Variants in SYNE1 observed in about 807,000 individuals in gnomAD.
SYNE1 encodes spectrin repeat containing nuclear envelope protein 1, also known as nesprin-1.
Under a neutral mutation model 1,111.0 loss-of-function variants are expected in SYNE1, and 616 were observed. The ratio of observed to expected loss-of-function variants is 0.55; its 90% CI spans 0.52 to 0.59. The LOEUF is 0.59. Among genes scored for constraint, SYNE1 ranks in the 20% least tolerant of loss-of-function variants. The probability of loss-of-function intolerance (pLI) is 0.00; values close to 1 mark genes in which losing one functional copy is unlikely to be tolerated. For synonymous variants in SYNE1, 3,855 were observed against 3,825.8 expected (o/e 1.01, Z -0.28); for missense variants, 10,006 against 10,417.0 (o/e 0.96, Z 1.72).
chr6:152,412,332 G>C (rs1410925398), intron 42 of SYNE1, among the ~76,000 whole-genome samples: 8 of 151,870 alleles, frequency 5.3e-5, no homozygotes, highest in Non-Finnish European at 7.4e-5. Context: ...GCTGAGGCAG[G>C]AGAATGGCGT....
Position 152,214,623 on chromosome 6 carries a change from A to T in SYNE1, c.22346+283T>A, listed in dbSNP as rs140096465. On this transcript the variant is annotated intron_variant, in intron 122 of 145. Coordinates refer to ENST00000367255, the MANE Select transcript of SYNE1 (RefSeq NM_182961.4). ...GGGTCTTTTAAAAGAAGATTCACACAGCGTTCAGCACTGTTGTCCTTCTGC... is the reference window on the plus strand; with the variant it reads ...GGGTCTTTTAAAAGAAGATTCACACTGCGTTCAGCACTGTTGTCCTTCTGC... 5.4e-4 allele frequency among the ~76,000 whole-genome samples: 83 copies of T among 152,320 alleles called. No individual in the cohort carries two copies. In the East Asian group the frequency reaches 0.016, roughly 29 times the overall value.
intron 91 of SYNE1, chr6:152,302,384 G>T: frequency 2.2e-6 from 1 of 453,900 alleles, no homozygotes; most frequent in South Asian, 2.1e-5. Flanking sequence ...CGCAACATTA[G>T]GAACTGACAA....
chr6:152,178,461 AT>A lies in SYNE1; in HGVS notation c.23460+1674del, dbSNP rs374165454. Among the ~76,000 whole-genome samples the A allele has an allele frequency of 6.5e-3, 986 of 152,286 alleles. 13 individuals carry two copies. The highest frequency in any genetic ancestry group is 0.022 in the African/African-American group (917 of 41,562). On this transcript the variant is annotated intron_variant, in intron 129 of 145. Transcript: ENST00000367255. ...ATATCAAGTAAACAAATGCTTATCC[AT>A]TTGGATTTATCCAATGGATAAGCAA...
chr6:152,342,927 G>C (rs968728590), intron 74 of SYNE1, among the ~76,000 whole-genome samples: 1 of 152,090 alleles, frequency 6.6e-6, no homozygotes, highest in African/African-American at 2.4e-5. Context: ...AACTATGCAA[G>C]AAGCTAGTAT....
At chr6:152,411,437 CTTTTATGTATACA>C (rs1173903076) in intron 42 of SYNE1, among the ~76,000 whole-genome samples, 1 of 152,052 alleles carries the variant, frequency 6.6e-6, no homozygotes, top group Admixed American at 6.6e-5. Flanking sequence ...AGGTCTTGTG[CTTTTATGTATACA>C]TTTTAAAATC....
Position 152,330,848 on chromosome 6 carries a change from G to A in SYNE1, c.13837C>T (p.Pro4613Ser), listed in dbSNP as rs775064118. Residue 4613 changes from proline to serine, a missense_variant, in exon 78 of 146, where the codon CCA becomes TCA. Pro to Ser is a moderately conservative substitution (Grantham distance 74). Around this residue, in one of 7 missense-constraint regions of SYNE1, gnomAD observed 4,955 missense variants for 5,017.2 expected, o/e 0.99. Coordinates refer to ENST00000367255, the MANE Select transcript of SYNE1 (RefSeq NM_182961.4). ...AKYQNILEQS[P>S]EYENLLLTLQ... ...GTAAGTAGAAGATTTTCATATTCTG[G>A]AGATTGTTCAAGAATGTTTTGGTAT... 6.2e-7 allele frequency: 1 copy of A among 1,614,144 alleles called. No individual in the cohort carries two copies. The highest frequency in any genetic ancestry group is 1.1e-5 in the South Asian group (1 of 91,086).
At chr6:152,437,860 T>C (rs1159868295) in intron 32 of SYNE1, among the ~76,000 whole-genome samples, 1 of 152,182 alleles carries the variant, frequency 6.6e-6, no homozygotes, top group Non-Finnish European at 1.5e-5. Context: ...TAGTACCATA[T>C]AAGATAGAGT....
At chr6:152,546,656 AG>A (rs1350648667) in intron 3 of SYNE1, 2 of 152,196 alleles carry the variant, frequency 1.3e-5, no homozygotes, top group Non-Finnish European at 2.9e-5. Context: ...GGTGTGATGA[AG>A]GTATATTCCT....
chr6:152,484,205 C>A (rs1165826532), intron 13 of SYNE1, among the ~76,000 whole-genome samples: 1 of 151,690 alleles, frequency 6.6e-6, no homozygotes, highest in Non-Finnish European at 1.5e-5. Flanking sequence ...GAGCAAGACA[C>A]TATCTCAAAA....
chr6:152,381,475 G>C, intron 55 of SYNE1, 113 bp from the exon 56 acceptor site: 1 of 1,021,140 alleles, frequency 9.8e-7, no homozygotes, highest in Non-Finnish European at 1.5e-6. Context: ...TAACAAGTGT[G>C]CCACAAGGAC....
rs2076811254 is a variant in SYNE1, at chr6:152,207,884, C to G, written c.22824+88G>C. 1.3e-5 allele frequency: 17 copies of G among 1,263,402 alleles called. No individual in the cohort carries two copies. In the Admixed American group the frequency reaches 3.0e-4, roughly 22 times the overall value. 78.3% of individuals were successfully genotyped at this position (1,263,402 alleles called of 1,614,324 possible). A position where few individuals can be genotyped will look rare whatever the true frequency, so the allele number is the denominator to read the frequency against. On this transcript the variant is annotated intron_variant, in intron 125 of 145. Transcript: ENST00000367255. ...TGTTTGTCCCAGCTGCAATGTCACT[C>G]TAGAGTCCTTTTGAAAAACCGAGGC...
At chr6:152,487,558 A>G (rs546317823) in intron 12 of SYNE1, among the ~76,000 whole-genome samples, 3 of 152,332 alleles carry the variant, frequency 2.0e-5, no homozygotes, top group East Asian at 3.9e-4. Flanking sequence ...CAGAAGTCCA[A>G]TTAATGACAC....
In SYNE1 at chr6:152,427,775, C is replaced by G. The variant is rs749115727; in HGVS notation, c.5018G>C (p.Arg1673Pro). 4 of 1,614,088 alleles carry G rather than the reference C, an allele frequency of 2.5e-6. No individual in the cohort carries two copies. The highest frequency in any genetic ancestry group is 3.4e-6 in the Non-Finnish European group (4 of 1,180,016). ...TGGGGAACTGGCTTTAGCTTCACCC[C>G]GCTCTAACCAGGTCAAAAAGGATGA... ...ELSSFLTWLE[R>P]GEAKASSPEM... The change falls in exon 38 of 146, where the codon CGG becomes CCG. Residue 1673 changes from arginine to proline, a missense_variant. Transcript: ENST00000367255.
intron 55 of SYNE1, among the ~76,000 whole-genome samples, chr6:152,383,102 C>T (rs2097454582): frequency 6.6e-6 from 1 of 152,200 alleles, no homozygotes; most frequent in Admixed American, 6.5e-5. Flanking sequence ...AAACCACCCA[C>T]ACACTAACCT....
intron 87 of SYNE1, among the ~76,000 whole-genome samples, chr6:152,314,064 T>A (rs2095636007): frequency 6.6e-6 from 1 of 152,176 alleles, no homozygotes; most frequent in Non-Finnish European, 1.5e-5. Flanking sequence ...CCTCCTAATC[T>A]CCAAAGAGAG....
Position 152,488,383 on chromosome 6 carries a change from C to A in SYNE1, c.1047+13G>T. On this transcript the variant is annotated intron_variant, in intron 12 of 145. Coordinates refer to ENST00000367255, the MANE Select transcript of SYNE1 (RefSeq NM_182961.4). ...AGCTTTTGAAAAATTCAAAAATCTT[C>A]TCCATACAATACCTGATATTTATCC... The A allele has an allele frequency of 6.9e-7, 1 of 1,447,180 alleles. No homozygotes were observed. The highest frequency in any genetic ancestry group is 1.2e-5 in the South Asian group (1 of 86,554). 89.6% of individuals were successfully genotyped at this position (1,447,180 alleles called of 1,614,324 possible). A position where few individuals can be genotyped will look rare whatever the true frequency, so the allele number is the denominator to read the frequency against.
intron 3 of SYNE1, among the ~76,000 whole-genome samples, chr6:152,605,039 AGG>A (rs1565142615): frequency 1.3e-3 from 40 of 30,200 alleles, no homozygotes; most frequent in Non-Finnish European, 2.1e-3. Context: ...AGAGAGAGGG[AGG>A]GAGGGAGGGA....
At chr6:152,338,873 G>T (rs1419538238) in intron 75 of SYNE1, among the ~76,000 whole-genome samples, 2 of 152,140 alleles carry the variant, frequency 1.3e-5, no homozygotes, top group Non-Finnish European at 2.9e-5. Flanking sequence ...AAAGGGTCAA[G>T]AGCCCCTTTC....
At chr6:152,575,288 T>A (rs1484077847) in intron 3 of SYNE1, among the ~76,000 whole-genome samples, 4 of 152,240 alleles carry the variant, frequency 2.6e-5, no homozygotes, top group Non-Finnish European at 5.9e-5. Context: ...TGGTCTGGGC[T>A]GAATTACATG....
Sources: allele counts gnomAD v4.1 joint callset (sites outside exome capture counted in the v4.1 genomes callset), GRCh38; gene constraint gnomAD v4.1.1; regional missense constraint gnomAD v4.1.1; transcripts MANE v1.5; gene names NCBI Gene and HGNC (gene_info 2026-07-23, HGNC 2026-07-21).